Variants in CERK observed in about 807,000 individuals in gnomAD.
CERK encodes the protein ceramide kinase, also known as acylsphingosine kinase.
Under a neutral mutation model 63.4 loss-of-function variants are expected in CERK, and 39 were observed. The observed-to-expected ratio is 0.61, with a 90% CI of 0.48 to 0.80. The LOEUF (loss-of-function observed/expected upper bound fraction) is 0.80. CERK is among the 30% of genes least tolerant of loss of function. The pLI, the probability that CERK is intolerant of heterozygous loss-of-function variation, is 0.00. For missense variants in CERK, 670 were observed against 714.1 expected, an observed-to-expected ratio of 0.94 and a Z score of 0.70; for synonymous variants, 302 against 280.0, an observed-to-expected ratio of 1.08 and a Z score of -0.78.
Position 46,687,158 on chromosome 22 carries a change from A to G in CERK, c.1590T>C (p.Asn530=), listed in dbSNP as rs1175189758. Residue 530 remains asparagine, a synonymous_variant, in exon 13 of 13, where the codon AAT becomes AAC. Coordinates refer to ENST00000216264, the MANE Select transcript of CERK (RefSeq NM_022766.6). ...CTCAGCTGTGTGAGTCTGGCTTCGG[A>G]TTCTCTTCAATTCCTCGTGCAAAGA... ...VRLFARGIEE[N]PKPDSHS is the part of the protein sequence containing the mutation. 1 of 1,614,118 alleles carries G rather than the reference A, an allele frequency of 6.2e-7. No individual in the cohort carries two copies. Among genetic ancestry groups the G allele is most frequent in the Non-Finnish European group, 8.5e-7 (1 of 1,180,020 alleles).
At chr22:46,713,681 A>G (rs1302683223) in intron 3 of CERK, among the ~76,000 whole-genome samples, 2 of 152,002 alleles carry the variant, frequency 1.3e-5, no homozygotes, top group Admixed American at 1.3e-4. Context: ...TGAAATAAGC[A>G]AACTACTGGG....
At chr22:46,727,998 A>G (rs1285674836) in intron 1 of CERK, among the ~76,000 whole-genome samples, 2 of 152,172 alleles carry the variant, frequency 1.3e-5, no homozygotes, top group Admixed American at 6.5e-5. Flanking sequence ...AACACACAGG[A>G]CTTTGCTTTT....
chr22:46,716,588 AT>A (rs1010114590), intron 3 of CERK, among the ~76,000 whole-genome samples: 1 of 152,098 alleles, frequency 6.6e-6, no homozygotes, highest in Non-Finnish European at 1.5e-5. Flanking sequence ...TAATTAATAA[AT>A]TCAATAAAAG....
intron 1 of CERK, among the ~76,000 whole-genome samples, chr22:46,726,538 G>A (rs189813509): frequency 6.6e-6 from 1 of 152,310 alleles, no homozygotes; most frequent in Non-Finnish European, 1.5e-5. Flanking sequence ...CAAGAGATCC[G>A]AGTGGCTGGG....
chr22:46,687,909 G>C (rs2082711333), intron 12 of CERK, among the ~76,000 whole-genome samples: 1 of 152,160 alleles, frequency 6.6e-6, no homozygotes, highest in Non-Finnish European at 1.5e-5. Flanking sequence ...TTAAGTGACA[G>C]GCTGGGGCAG....
intron 2 of CERK, 60 bp downstream of exon 2, chr22:46,720,828 ACAGAAAAGTTCCCT>A: frequency 1.1e-6 from 1 of 903,006 alleles, no homozygotes; most frequent in East Asian, 2.4e-5. Context: ...TAAACAAGTA[ACAGAAAAGTTCCCT>A]CTCGTGTAAT....
chr22:46,702,985 C>G (rs114479927), intron 6 of CERK, among the ~76,000 whole-genome samples: 1 of 152,122 alleles, frequency 6.6e-6, no homozygotes, highest in Non-Finnish European at 1.5e-5. Context: ...CCCGTTCACG[C>G]GAGAAGGACG....
chr22:46,720,009 A>C, intron 3 of CERK, 77 bp downstream of exon 3: 1 of 1,552,576 alleles, frequency 6.4e-7, no homozygotes, highest in Non-Finnish European at 8.7e-7. Context: ...ACGGGGAGAC[A>C]CTTCAGGAAG....
intron 1 of CERK, among the ~76,000 whole-genome samples, chr22:46,725,438 CCT>C (rs2082913713): frequency 6.6e-6 from 1 of 152,078 alleles, no homozygotes; most frequent in Admixed American, 6.6e-5. Context: ...AAGGAACTGC[CCT>C]CTGAGGGTTA....
chr22:46,707,728 G>T, intron 6 of CERK, 115 bp downstream of exon 6: 2 of 1,208,098 alleles, frequency 1.7e-6, no homozygotes, highest in Non-Finnish European at 2.3e-6. Flanking sequence ...TAGGAAATCT[G>T]TACGAACTAA....
chr22:46,712,696 G>A lies in CERK; in HGVS notation c.380-403C>T, dbSNP rs529942419. Among the ~76,000 whole-genome samples, 94 of 152,220 alleles carry A rather than the reference G, an allele frequency of 6.2e-4. 1 individual carries two copies. The highest frequency in any genetic ancestry group is 1.8e-3 in the Admixed American group (27 of 15,284). ...CAGAGGGAAGAGTCTTAGGAAAAGC[G>A]GACCAGCAGGTATGGAAAGAAGAAG... On this transcript the variant is annotated intron_variant, in intron 3 of 12. Transcript: ENST00000216264.
At position 46,707,874 on chromosome 22, in the gene CERK, G is replaced by A. The variant is rs1007909628; in HGVS notation, c.684C>T (p.Pro228=). The A allele has an allele frequency of 1.2e-6, 2 of 1,613,330 alleles. No homozygotes were observed. The highest frequency in any genetic ancestry group is 1.7e-6 in the Non-Finnish European group (2 of 1,179,520). ...DQNHPRAVLV[P]SSLRIGIIPA... is the part of the protein sequence containing the mutation. Reference sequence around the variant, plus strand: ...GAATGATTCCAATCCGGAGGCTACTGGGGACCAGCACAGCCCGGGGGTGGT... The same window carrying A: ...GAATGATTCCAATCCGGAGGCTACTAGGGACCAGCACAGCCCGGGGGTGGT... The change falls in exon 6 of 13, where the codon CCC becomes CCT. Residue 228 remains proline (P), a synonymous_variant. Transcript: ENST00000216264.
chr22:46,699,143 A>C (rs1027129308), intron 8 of CERK, among the ~76,000 whole-genome samples, 170 bp downstream of exon 8: 1 of 152,114 alleles, frequency 6.6e-6, no homozygotes, highest in African/African-American at 2.4e-5. Flanking sequence ...GTTCCAGTCC[A>C]GACCCTGCCA....
chr22:46,724,548 G>A (rs2082908297), intron 1 of CERK, among the ~76,000 whole-genome samples: 1 of 152,188 alleles, frequency 6.6e-6, no homozygotes, highest in Non-Finnish European at 1.5e-5. Context: ...GACTTGGCGT[G>A]GCTTTGGCCT....
At chr22:46,737,814 C>T (rs2082982687) in intron 1 of CERK, among the ~76,000 whole-genome samples, 193 bp downstream of exon 1, 1 of 152,050 alleles carries the variant, frequency 6.6e-6, no homozygotes, top group Non-Finnish European at 1.5e-5. Context: ...GAGCAGACGG[C>T]GGCGCACAGC....
intron 1 of CERK, among the ~76,000 whole-genome samples, chr22:46,729,286 G>C (rs1034370547): frequency 6.6e-6 from 1 of 152,134 alleles, no homozygotes; most frequent in African/African-American, 2.4e-5. Context: ...GACGGCTTGT[G>C]CTCAAGAGGC....
chr22:46,709,708 C>A (rs934360567), intron 5 of CERK, among the ~76,000 whole-genome samples: 1 of 152,134 alleles, frequency 6.6e-6, no homozygotes, highest in Non-Finnish European at 1.5e-5. Context: ...AAAAAGCCAA[C>A]CAATGACAAG....
intron 10 of CERK, among the ~76,000 whole-genome samples, chr22:46,692,431 A>T (rs2082736576): frequency 1.0e-5 from 1 of 100,054 alleles, no homozygotes; most frequent in Non-Finnish European, 2.6e-5. Flanking sequence ...TGTCTTAAAA[A>T]AAAAAAAAAA....
chr22:46,693,548 G>A lies in CERK; in HGVS notation c.1050-45C>T, dbSNP rs187548416. 1.3e-3 allele frequency: 1,973 copies of A among 1,478,528 alleles called. 33 individuals are homozygous for A. The highest frequency in any genetic ancestry group is 1.6e-4 in the Non-Finnish European group (167 of 1,056,806). The allele number at this position is 1,478,528 out of a possible 1,614,324, so 91.6% of individuals were successfully genotyped here. A position where few individuals can be genotyped will look rare whatever the true frequency, so the allele number is the denominator to read the frequency against. On this transcript the variant is annotated intron_variant, in intron 9 of 12. Transcript: ENST00000216264. ...TCACCTTTTAAATATGGAGCTGCAG[G>A]TGCAGTGCGTATGCTTGGCACATAT...
Sources: allele counts gnomAD v4.1 joint callset (sites outside exome capture counted in the v4.1 genomes callset), GRCh38; gene constraint gnomAD v4.1.1; transcripts MANE v1.5; gene names NCBI Gene and HGNC (gene_info 2026-07-23, HGNC 2026-07-21).